The following SORCS2 variants were observed in gnomAD, a reference collection of about 807,000 sequenced individuals.
SORCS2 encodes sortilin related VPS10 domain containing receptor 2.
In SORCS2, 100 loss-of-function variants were observed where a neutral mutation model predicts 141.6. The observed-to-expected ratio is 0.71, with a 90% CI of 0.60 to 0.83. The LOEUF is 0.83. SORCS2 is among the 40% of genes least tolerant of loss of function. The pLI, the probability that SORCS2 is intolerant of heterozygous loss-of-function variation, is 0.00. For synonymous variants in SORCS2, 789 were observed against 676.9 expected, an observed-to-expected ratio of 1.17 and a Z score of -2.57; for missense variants, 1,646 against 1,560.2, an observed-to-expected ratio of 1.05 and a Z score of -0.93.
chr4:7,376,981 C>T (rs1722698051), intron 1 of SORCS2, among the ~76,000 whole-genome samples: 1 of 151,824 alleles, frequency 6.6e-6, no homozygotes, highest in Non-Finnish European at 1.5e-5. Flanking sequence ...ACCGGCTCTG[C>T]ACTGGGATTC....
chr4:7,658,046 T>C (rs756630375), intron 5 of SORCS2, among the ~76,000 whole-genome samples: 32 of 151,896 alleles, frequency 2.1e-4, no homozygotes, highest in Non-Finnish European at 3.8e-4. Context: ...AGTGAGTGAA[T>C]GAGTGAGTCT....
At chr4:7,640,392 G>A (rs1402723649) in intron 4 of SORCS2, among the ~76,000 whole-genome samples, 2 of 148,586 alleles carry the variant, frequency 1.3e-5, no homozygotes, top group African/African-American at 5.1e-5. Context: ...GTGTGTGGGT[G>A]TGTGAGTGTG....
intron 1 of SORCS2, among the ~76,000 whole-genome samples, chr4:7,328,389 A>C (rs1388238719): frequency 6.6e-6 from 1 of 151,898 alleles, no homozygotes; most frequent in Non-Finnish European, 1.5e-5. Flanking sequence ...CTCTTCTAGG[A>C]GGCAGGAGCT....
At chr4:7,331,022 G>T (rs1434791344) in intron 1 of SORCS2, among the ~76,000 whole-genome samples, 1 of 152,106 alleles carries the variant, frequency 6.6e-6, no homozygotes, top group East Asian at 1.9e-4. Flanking sequence ...CAGGGTGAGG[G>T]CTCCAGGCAG....
chr4:7,723,999 G>A (rs1300680719), intron 19 of SORCS2, 116 bp downstream of exon 19: 51 of 1,264,130 alleles, frequency 4.0e-5, no homozygotes, highest in Admixed American at 5.8e-5. Context: ...TACTCAGGAC[G>A]GTGAACCCGA....
intron 2 of SORCS2, among the ~76,000 whole-genome samples, chr4:7,422,186 GT>G (rs1324289790): frequency 6.6e-6 from 1 of 152,158 alleles, no homozygotes; most frequent in Non-Finnish European, 1.5e-5. Flanking sequence ...CTGTGCCTCC[GT>G]CACCATCCAT....
At chr4:7,285,002 C>T (rs10937799) in intron 1 of SORCS2, among the ~76,000 whole-genome samples, 49,449 of 150,944 alleles carry the variant, frequency 0.33, 9,091 homozygotes, top group Admixed American at 0.44. Flanking sequence ...AAGACCTACC[C>T]GCTCACCTGG....
intron 2 of SORCS2, among the ~76,000 whole-genome samples, chr4:7,444,750 T>A (rs1232101695): frequency 6.6e-6 from 1 of 152,202 alleles, no homozygotes; most frequent in Non-Finnish European, 1.5e-5. Context: ...CAGAGGCGAC[T>A]GTGGTGGTCT....
At chr4:7,365,907 C>T (rs1048364065) in intron 1 of SORCS2, among the ~76,000 whole-genome samples, 66 of 152,222 alleles carry the variant, frequency 4.3e-4, no homozygotes, top group African/African-American at 1.6e-3. Flanking sequence ...ATTGCCAGGA[C>T]TGGGCTGTCC....
chr4:7,671,817 C>G (rs1350952410), intron 8 of SORCS2, among the ~76,000 whole-genome samples: 2 of 152,026 alleles, frequency 1.3e-5, no homozygotes, highest in Non-Finnish European at 2.9e-5. Context: ...CCCAAAACTC[C>G]CCCATCAATT....
chr4:7,488,404 G>A (rs1445736630), intron 2 of SORCS2, among the ~76,000 whole-genome samples: 2 of 152,238 alleles, frequency 1.3e-5, no homozygotes, highest in Non-Finnish European at 2.9e-5. Context: ...GTCTCAGGCT[G>A]AGGGATGAGG....
At chr4:7,727,853 T>G (rs1185981971) in intron 21 of SORCS2, among the ~76,000 whole-genome samples, 1 of 152,098 alleles carries the variant, frequency 6.6e-6, no homozygotes, top group Admixed American at 6.6e-5. Flanking sequence ...ATGGGAAATG[T>G]GGGAGAAAGA....
intron 2 of SORCS2, among the ~76,000 whole-genome samples, chr4:7,522,587 T>C (rs1733397306): frequency 6.6e-6 from 1 of 152,112 alleles, no homozygotes; most frequent in African/African-American, 2.4e-5. Context: ...GTAAGCGCTG[T>C]CGTCCTACTC....
intron 18 of SORCS2, 71 bp from the exon 19 acceptor site, chr4:7,723,626 A>G: frequency 6.6e-7 from 1 of 1,521,374 alleles, no homozygotes; most frequent in Non-Finnish European, 9.1e-7. Flanking sequence ...TGAGTGAGTG[A>G]GTGAATGAAC....
intron 1 of SORCS2, among the ~76,000 whole-genome samples, chr4:7,217,241 C>T (rs912909570): frequency 3.3e-5 from 5 of 152,196 alleles, no homozygotes; most frequent in South Asian, 4.1e-4. Flanking sequence ...GCCTTTCTGG[C>T]GCTTGCCCCA....
At chr4:7,607,432 C>T (rs994430789) in intron 3 of SORCS2, among the ~76,000 whole-genome samples, 3 of 152,168 alleles carry the variant, frequency 2.0e-5, no homozygotes, top group African/African-American at 7.2e-5. Flanking sequence ...GCCTACCACT[C>T]TTCCTCCGTG....
intron 1 of SORCS2, among the ~76,000 whole-genome samples, chr4:7,380,244 G>A (rs1393144665): frequency 6.6e-6 from 1 of 152,196 alleles, no homozygotes; most frequent in Admixed American, 6.5e-5. Flanking sequence ...CTGAGCATAG[G>A]GAGCTTGTCT....
At chr4:7,735,939 G>A (rs563361761) in intron 25 of SORCS2, among the ~76,000 whole-genome samples, 138 of 152,244 alleles carry the variant, frequency 9.1e-4, no homozygotes, top group Non-Finnish European at 1.6e-3. Flanking sequence ...CCAGGCACCC[G>A]ACTGCCCTGG....
At chr4:7,489,723 T>A (rs114193448) in intron 2 of SORCS2, among the ~76,000 whole-genome samples, 2 of 149,906 alleles carry the variant, frequency 1.3e-5, no homozygotes, top group African/African-American at 4.9e-5. Context: ...ATGCTGCATT[T>A]CTGATGTTCA....
Sources: gnomAD v4.1 joint callset for allele counts (sites outside exome capture counted in the v4.1 genomes callset) on GRCh38, gnomAD v4.1.1 for gene constraint, MANE v1.5 for transcripts, NCBI Gene and HGNC (gene_info 2026-07-23, HGNC 2026-07-21) for gene names.